Variants in MAP3K20 observed in about 807,000 individuals in gnomAD.
MAP3K20 encodes HCCS-4.
Under a neutral mutation model 85.7 loss-of-function variants are expected in MAP3K20, and 40 were observed. That is an observed-to-expected ratio of 0.47 (90% confidence interval 0.36 to 0.61). The LOEUF is 0.61. Among genes scored for constraint, MAP3K20 ranks in the 20% least tolerant of loss-of-function variants. MAP3K20 has a pLI of 0.00. For missense variants in MAP3K20, 817 were observed against 961.7 expected (o/e 0.85, Z 1.99); for synonymous variants, 325 against 327.7 (o/e 0.99, Z 0.09).
At chr2:173,250,957 T>C (rs559508272) in intron 16 of MAP3K20, among the ~76,000 whole-genome samples, 2 of 152,328 alleles carry the variant, frequency 1.3e-5, no homozygotes, top group East Asian at 3.9e-4. Context: ...AGGGTTATAC[T>C]TAATGATAAA....
intron 16 of MAP3K20, among the ~76,000 whole-genome samples, chr2:173,252,548 C>T (rs1261201797): frequency 2.0e-5 from 3 of 152,196 alleles, no homozygotes; most frequent in Non-Finnish European, 4.4e-5. Context: ...CAACAAAATT[C>T]CATTTGTTTC....
At chr2:173,140,469 G>C (rs1688938442) in intron 2 of MAP3K20, among the ~76,000 whole-genome samples, 1 of 152,098 alleles carries the variant, frequency 6.6e-6, no homozygotes, top group African/African-American at 2.4e-5. Flanking sequence ...TTCTGCCTCA[G>C]CCTCCCAAGT....
chr2:173,109,000 C>G (rs976425238), intron 2 of MAP3K20, among the ~76,000 whole-genome samples: 4 of 152,166 alleles, frequency 2.6e-5, no homozygotes, highest in Admixed American at 6.5e-5. Flanking sequence ...TGCAAAGTAC[C>G]TTGAAAGTAC....
intron 1 of MAP3K20, among the ~76,000 whole-genome samples, chr2:173,082,022 TG>T (rs367672065): frequency 6.7e-6 from 1 of 149,220 alleles, no homozygotes; most frequent in African/African-American, 2.4e-5. Context: ...AGGAATCCTT[TG>T]TTTTTTTTTT....
chr2:173,177,125 A>G lies in MAP3K20; in HGVS notation c.248-5729A>G, dbSNP rs1390267530. On this transcript the variant is annotated intron_variant, in intron 3 of 19. Transcript: ENST00000375213. Reference sequence around the variant, plus strand: ...TTCAGTATTCCACTCTCAATAATTGATAGAACAGCTAGACAGAAAATAAAA... The same window carrying G: ...TTCAGTATTCCACTCTCAATAATTGGTAGAACAGCTAGACAGAAAATAAAA... Among the ~76,000 whole-genome samples, 3 of 152,228 alleles carry G rather than the reference A, an allele frequency of 2.0e-5. No individual in the cohort carries two copies. In the East Asian group the frequency reaches 5.8e-4, roughly 29 times the overall value.
chr2:173,188,645 G>A (rs1261876612), intron 5 of MAP3K20, among the ~76,000 whole-genome samples: 2 of 151,876 alleles, frequency 1.3e-5, no homozygotes, highest in Admixed American at 1.3e-4. Flanking sequence ...TGGGGGCGGG[G>A]AGGGAAGTTA....
chr2:173,249,712 T>C (rs568365154), intron 16 of MAP3K20, among the ~76,000 whole-genome samples: 1 of 152,362 alleles, frequency 6.6e-6, no homozygotes, highest in South Asian at 2.1e-4. Flanking sequence ...GATTCTTAAT[T>C]ATTCAGAAAT....
intron 2 of MAP3K20, among the ~76,000 whole-genome samples, chr2:173,123,488 T>C (rs1398796567): frequency 6.6e-6 from 1 of 152,158 alleles, no homozygotes; most frequent in African/African-American, 2.4e-5. Context: ...TTGAGGAGAA[T>C]GAGCATCCCC....
At chr2:173,183,149 A>G (rs1472826695) in intron 4 of MAP3K20, among the ~76,000 whole-genome samples, 194 bp downstream of exon 4, 2 of 152,128 alleles carry the variant, frequency 1.3e-5, no homozygotes, top group Admixed American at 6.5e-5. Context: ...AATTCCTTTT[A>G]TCTTCCTCTT....
chr2:173,094,031 C>T (rs1249029601), intron 2 of MAP3K20, among the ~76,000 whole-genome samples: 1 of 151,228 alleles, frequency 6.6e-6, no homozygotes. Flanking sequence ...GGAGATATAC[C>T]TAATGCTAGA....
intron 2 of MAP3K20, among the ~76,000 whole-genome samples, chr2:173,110,200 C>CATATATATATAT (rs61019253): frequency 9.3e-5 from 3 of 32,342 alleles, no homozygotes; most frequent in African/African-American, 2.5e-4. Flanking sequence ...ATATGTTATA[C>CATATATATATAT]ATATATATAT....
intron 2 of MAP3K20, among the ~76,000 whole-genome samples, chr2:173,153,647 T>A (rs759806195): frequency 2.6e-5 from 4 of 152,204 alleles, no homozygotes; most frequent in Non-Finnish European, 5.9e-5. Flanking sequence ...CCTGGAAGAT[T>A]TCTTTGAAGT....
intron 9 of MAP3K20, 40 bp downstream of exon 9, chr2:173,203,910 AT>A: frequency 6.3e-7 from 1 of 1,579,256 alleles, no homozygotes; most frequent in Non-Finnish European, 8.7e-7. Context: ...GAATTCTGAA[AT>A]TTCTCTTGTT....
At chr2:173,083,820 G>A (rs1404127217) in intron 1 of MAP3K20, among the ~76,000 whole-genome samples, 1 of 152,184 alleles carries the variant, frequency 6.6e-6, no homozygotes, top group East Asian at 1.9e-4. Flanking sequence ...ATAATTTGCT[G>A]AATATTGAAA....
At chr2:173,156,439 G>A in intron 2 of MAP3K20, among the ~76,000 whole-genome samples, 1 of 152,112 alleles carries the variant, frequency 6.6e-6, no homozygotes, top group East Asian at 1.9e-4. Context: ...TAATGAAAGG[G>A]TCTAAGACAG....
intron 18 of MAP3K20, among the ~76,000 whole-genome samples, chr2:173,261,544 A>T (rs1366415236): frequency 6.6e-6 from 1 of 152,230 alleles, no homozygotes; most frequent in Non-Finnish European, 1.5e-5. Context: ...GGCAACAGTT[A>T]TAGTACAGTC....
intron 11 of MAP3K20, chr2:173,221,684 C>G (rs1684255402): frequency 1.5e-6 from 2 of 1,325,776 alleles, no homozygotes; most frequent in Non-Finnish European, 1.9e-6. Context: ...CTTATCAATT[C>G]TACTTTTATT....
At chr2:173,170,677 C>A (rs577479710) in intron 3 of MAP3K20, among the ~76,000 whole-genome samples, 1 of 152,166 alleles carries the variant, frequency 6.6e-6, no homozygotes, top group South Asian at 2.1e-4. Context: ...AAAATAACAA[C>A]AAAACACCCT....
At chr2:173,134,422 A>ATTTTTTTTTTTTT (rs1254043752) in intron 2 of MAP3K20, among the ~76,000 whole-genome samples, 1 of 6,162 alleles carries the variant, frequency 1.6e-4, no homozygotes, top group Non-Finnish European at 3.3e-4. Flanking sequence ...ATATATATAT[A>ATTTTTTTTTTTTT]TATATATTTT....
Sources: allele counts gnomAD v4.1 joint callset (sites outside exome capture counted in the v4.1 genomes callset), GRCh38; gene constraint gnomAD v4.1.1; transcripts MANE v1.5; gene names NCBI Gene and HGNC (gene_info 2026-07-23, HGNC 2026-07-21).